ELAVL2: variants seen among roughly 807,000 people sequenced by gnomAD.
The protein encoded by ELAVL2 is ELAV-like protein 2.
ELAVL2 carries 4 observed loss-of-function variants against 34.6 expected under a neutral mutation model. The ratio of observed to expected loss-of-function variants is 0.12; its 90% CI spans 0.06 to 0.26. ELAVL2 has a LOEUF of 0.26. ELAVL2 is among the 10% of genes least tolerant of loss of function. The pLI is 1.00. For missense variants in ELAVL2, 432 were observed against 442.8 expected, an observed-to-expected ratio of 0.98 and a Z score of 0.22; for synonymous variants, 193 against 154.8, an observed-to-expected ratio of 1.25 and a Z score of -1.83.
intron 2 of ELAVL2, among the ~76,000 whole-genome samples, chr9:23,738,804 GCGGTTAATGTC>G (rs1716788343): frequency 6.6e-6 from 1 of 152,140 alleles, no homozygotes; most frequent in South Asian, 2.1e-4. Flanking sequence ...TCTAGAGAGA[GCGGTTAATGTC>G]CTCAGCACCA....
chr9:23,813,314 G>A (rs1448926749), intron 1 of ELAVL2, among the ~76,000 whole-genome samples: 3 of 152,024 alleles, frequency 2.0e-5, no homozygotes, highest in East Asian at 3.9e-4. Context: ...GCTGCTTCTG[G>A]AGTGGGGGAG....
intron 2 of ELAVL2, among the ~76,000 whole-genome samples, chr9:23,737,720 T>C (rs961084152): frequency 6.6e-6 from 1 of 152,194 alleles, no homozygotes; most frequent in Non-Finnish European, 1.5e-5. Flanking sequence ...ACAGCAGTAG[T>C]AATGTTTTAT....
intron 1 of ELAVL2, among the ~76,000 whole-genome samples, chr9:23,820,617 G>A (rs2064449648): frequency 6.6e-6 from 1 of 151,686 alleles, no homozygotes; most frequent in African/African-American, 2.4e-5. Context: ...TAACAAGGAG[G>A]CTTTTAAGGA....
chr9:23,760,547 C>T (rs548732464), intron 2 of ELAVL2, among the ~76,000 whole-genome samples: 2 of 152,006 alleles, frequency 1.3e-5, no homozygotes, highest in African/African-American at 2.4e-5. Flanking sequence ...ACGACAGAGA[C>T]GTAAGAGCAG....
intron 1 of ELAVL2, among the ~76,000 whole-genome samples, chr9:23,781,920 G>A (rs1052737586): frequency 5.3e-5 from 8 of 152,142 alleles, no homozygotes; most frequent in Middle Eastern, 3.4e-3. Flanking sequence ...TCCTGACCTC[G>A]TGAGCCGCCC....
chr9:23,798,477 G>A (rs2061223565), intron 1 of ELAVL2, among the ~76,000 whole-genome samples: 1 of 152,146 alleles, frequency 6.6e-6, no homozygotes, highest in African/African-American at 2.4e-5. Flanking sequence ...ACATCTCAGA[G>A]TTTTGTAAGA....
chr9:23,738,029 T>A (rs2135006423), intron 2 of ELAVL2, among the ~76,000 whole-genome samples: 1 of 152,314 alleles, frequency 6.6e-6, no homozygotes, highest in East Asian at 1.9e-4. Flanking sequence ...TTCTCTCTCC[T>A]CCCTCAAACA....
At chr9:23,739,106 TA>T (rs10713702) in intron 2 of ELAVL2, among the ~76,000 whole-genome samples, 4,798 of 152,270 alleles carry the variant, frequency 0.032, 261 homozygotes, top group African/African-American at 0.11. Flanking sequence ...TACACAAAGA[TA>T]TCTTGCATCC....
At chr9:23,821,533 A>C (rs1217226714) in intron 1 of ELAVL2, 1 of 152,218 alleles carries the variant, frequency 6.6e-6, no homozygotes, top group African/African-American at 2.4e-5. Flanking sequence ...CACAGACCTT[A>C]GCCTCGGCGT....
chr9:23,797,161 C>T (rs959881016), intron 1 of ELAVL2, among the ~76,000 whole-genome samples: 7 of 152,082 alleles, frequency 4.6e-5, no homozygotes, highest in Admixed American at 1.3e-4. Flanking sequence ...GTTTAAGATT[C>T]GAGACAAAAA....
intron 3 of ELAVL2, among the ~76,000 whole-genome samples, chr9:23,719,470 G>T (rs2043120753): frequency 6.6e-6 from 1 of 152,092 alleles, no homozygotes; most frequent in Non-Finnish European, 1.5e-5. Context: ...GCTTAATGAA[G>T]AACATGAAGA....
intron 4 of ELAVL2, among the ~76,000 whole-genome samples, chr9:23,703,776 G>C (rs1473768236): frequency 1.3e-5 from 2 of 152,048 alleles, no homozygotes. Flanking sequence ...ACAGTGAGGA[G>C]AAAAGCTACC....
chr9:23,752,658 T>A (rs547814841), intron 2 of ELAVL2, among the ~76,000 whole-genome samples: 1 of 152,234 alleles, frequency 6.6e-6, no homozygotes, highest in African/African-American at 2.4e-5. Flanking sequence ...TTTCACCATG[T>A]TGGCCAGGCT....
chr9:23,811,191 TG>T (rs1656403737), intron 1 of ELAVL2, among the ~76,000 whole-genome samples: 1 of 152,242 alleles, frequency 6.6e-6, no homozygotes, highest in African/African-American at 2.4e-5. Flanking sequence ...CCAAACTGTT[TG>T]GGAAAAAATT....
intron 1 of ELAVL2, among the ~76,000 whole-genome samples, chr9:23,784,906 T>A (rs1397802720): frequency 6.6e-6 from 1 of 152,172 alleles, no homozygotes; most frequent in Non-Finnish European, 1.5e-5. Context: ...CACTAGACAT[T>A]GTGGGAAAAA....
intron 2 of ELAVL2, 83 bp from the exon 3 acceptor site, chr9:23,731,208 G>T: frequency 9.0e-7 from 1 of 1,111,168 alleles, no homozygotes; most frequent in African/African-American, 1.6e-5. Context: ...ATATGGTCTT[G>T]TCATTAACAC....
intron 1 of ELAVL2, among the ~76,000 whole-genome samples, chr9:23,772,233 T>C (rs2057419028): frequency 6.6e-6 from 1 of 152,068 alleles, no homozygotes; most frequent in Non-Finnish European, 1.5e-5. Context: ...CTCAAATTAA[T>C]CCCAGTAGTT....
intron 1 of ELAVL2, among the ~76,000 whole-genome samples, chr9:23,764,318 A>G (rs147276660): frequency 1.3e-5 from 2 of 152,334 alleles, no homozygotes; most frequent in South Asian, 4.1e-4. Context: ...AGATTTAGAA[A>G]GGACAACAAA....
intron 1 of ELAVL2, chr9:23,821,918 C>T (rs1361606658): frequency 6.6e-6 from 1 of 151,210 alleles, no homozygotes; most frequent in Non-Finnish European, 1.5e-5. Context: ...GTTCGCGGCG[C>T]CGCGGCCGCC....
Sources: allele counts gnomAD v4.1 joint callset (sites outside exome capture counted in the v4.1 genomes callset), GRCh38; gene constraint gnomAD v4.1.1; transcripts MANE v1.5; gene names NCBI Gene and HGNC (gene_info 2026-07-23, HGNC 2026-07-21).